Variants in PCDH11X observed in about 807,000 individuals in gnomAD.
PCDH11X encodes the protein protocadherin 11 X-linked, also known as protocadherin-11 X-linked.
In PCDH11X, 18 loss-of-function variants were observed where a neutral mutation model predicts 53.3. The ratio of observed to expected loss-of-function variants is 0.34; its 90% CI spans 0.23 to 0.50. The LOEUF (loss-of-function observed/expected upper bound fraction) is 0.50, where lower values mean the gene tolerates loss of function less well. Ranked by LOEUF, PCDH11X falls within the 20% of genes least tolerant of loss-of-function variation. PCDH11X has a pLI of 0.98. For synonymous variants in PCDH11X, 279 were observed against 393.3 expected (o/e 0.71, Z 3.44); for missense variants, 570 against 1,032.4 (o/e 0.55, Z 6.14).
rs2066411967 is a variant in PCDH11X at position 92,202,748 on chromosome X, G to A, written c.3114+1293G>A. On this transcript the variant is annotated intron_variant, in intron 7 of 10. Coordinates refer to ENST00000682573, the MANE Select transcript of PCDH11X (RefSeq NM_032968.5). ...CTTAAAAAAATGGGGTTGGCTGGGTGCGGTGGCTCACGCCTGTAATCCCAG... is the reference window on the plus strand; with the variant it reads ...CTTAAAAAAATGGGGTTGGCTGGGTACGGTGGCTCACGCCTGTAATCCCAG... Among the ~76,000 whole-genome samples the A allele has an allele frequency of 3.6e-5, 4 of 112,125 alleles. No homozygotes were observed. The South Asian group carries it at 1.5e-3, about 41-fold the overall frequency.
chrX:92,001,274 A>C (rs1373466997), intron 6 of PCDH11X, among the ~76,000 whole-genome samples: 1 of 110,937 alleles, frequency 9.0e-6, no homozygotes, highest in Non-Finnish European at 1.9e-5. Context: ...AGCTATTTTA[A>C]CTGGGGTGAG....
chrX:92,479,576 T>A (rs953883175), intron 10 of PCDH11X, among the ~76,000 whole-genome samples: 5 of 109,171 alleles, frequency 4.6e-5, no homozygotes, highest in African/African-American at 1.7e-4. Flanking sequence ...CCCTCAGCAT[T>A]TGCTTGTTTG....
At chrX:92,255,677 C>G (rs1370365741) in intron 7 of PCDH11X, among the ~76,000 whole-genome samples, 1 of 111,271 alleles carries the variant, frequency 9.0e-6, no homozygotes, top group Non-Finnish European at 1.9e-5. Flanking sequence ...CCCTCAGCTG[C>G]AGGACTGTTG....
At chrX:91,978,556 A>G (rs2062077657) in intron 6 of PCDH11X, among the ~76,000 whole-genome samples, 1 of 110,412 alleles carries the variant, frequency 9.1e-6, no homozygotes, top group African/African-American at 3.3e-5. Context: ...TCGGGCACAT[A>G]ATAGGTGCAC....
intron 6 of PCDH11X, among the ~76,000 whole-genome samples, chrX:92,059,824 CTAGGCAT>C (rs1291736449): frequency 3.6e-5 from 4 of 109,902 alleles, no homozygotes; most frequent in Admixed American, 9.8e-5. Flanking sequence ...CTCTGCAAGC[CTAGGCAT>C]CACTGCTACT....
intron 9 of PCDH11X, among the ~76,000 whole-genome samples, chrX:92,418,207 G>A (rs1194472381): frequency 2.8e-5 from 3 of 106,463 alleles, no homozygotes; most frequent in African/African-American, 1.0e-4. Context: ...TTAGCAATGC[G>A]GAATAATTAC....
At chrX:92,080,213 A>G (rs1302675174) in intron 6 of PCDH11X, among the ~76,000 whole-genome samples, 4 of 111,037 alleles carry the variant, frequency 3.6e-5, no homozygotes, top group Non-Finnish European at 7.5e-5. Flanking sequence ...ATCTCCAGAA[A>G]GGAATGCACC....
At chrX:91,996,020 T>G (rs1349941013) in intron 6 of PCDH11X, among the ~76,000 whole-genome samples, 1 of 108,185 alleles carries the variant, frequency 9.2e-6, no homozygotes, top group African/African-American at 3.4e-5. Context: ...TTTTGTATTT[T>G]TTAGTAGAGA....
Position 91,845,618 on chromosome X carries a change from T to C in PCDH11X, c.540+9574T>C, listed in dbSNP as rs2524468. On this transcript the variant is annotated intron_variant, in intron 5 of 10. Coordinates refer to ENST00000682573, the MANE Select transcript of PCDH11X (RefSeq NM_032968.5). ...TGGGGAATGGATATATGGCCCTAAA[T>C]TGGAAAGTCATTGGCTGGCTTCTGT... Among the ~76,000 whole-genome samples the C allele has an allele frequency of 2.7e-5, 3 of 111,762 alleles. No homozygotes were observed. In the Admixed American group the frequency reaches 2.9e-4, roughly 11 times the overall value.
At chrX:92,446,614 C>T (rs1056896505) in intron 9 of PCDH11X, among the ~76,000 whole-genome samples, 2 of 111,638 alleles carry the variant, frequency 1.8e-5, no homozygotes, top group Non-Finnish European at 3.8e-5. Flanking sequence ...GCCTCCCCAG[C>T]CATGTGGAAC....
At chrX:92,437,808 G>A (rs184179102) in intron 9 of PCDH11X, among the ~76,000 whole-genome samples, 2 of 109,954 alleles carry the variant, frequency 1.8e-5, no homozygotes, top group East Asian at 5.7e-4. Context: ...GAACCCAAGG[G>A]TGGAAAAGGA....
intron 6 of PCDH11X, among the ~76,000 whole-genome samples, chrX:92,108,813 T>C (rs2064440137): frequency 8.9e-6 from 1 of 111,793 alleles, no homozygotes; most frequent in Admixed American, 9.5e-5. Context: ...ATAACTATGG[T>C]CAGGATTACC....
intron 9 of PCDH11X, among the ~76,000 whole-genome samples, chrX:92,417,402 T>C (rs1205406375): frequency 9.0e-6 from 1 of 110,514 alleles, no homozygotes; most frequent in Non-Finnish European, 1.9e-5. Flanking sequence ...GAACAAAAGC[T>C]ACATACTCTG....
At chrX:92,007,284 G>A (rs758508057) in intron 6 of PCDH11X, among the ~76,000 whole-genome samples, 19 of 110,602 alleles carry the variant, frequency 1.7e-4, no homozygotes, top group Non-Finnish European at 3.6e-4. Flanking sequence ...TCTACCTAAT[G>A]TTTTAATGTA....
intron 10 of PCDH11X, among the ~76,000 whole-genome samples, chrX:92,535,285 C>T (rs141936918): frequency 4.5e-5 from 5 of 111,598 alleles, no homozygotes; most frequent in Non-Finnish European, 3.8e-5. Flanking sequence ...TACCCATCAA[C>T]GGTGCACTGG....
At chrX:92,177,069 G>A (rs2065921883) in intron 6 of PCDH11X, among the ~76,000 whole-genome samples, 1 of 105,746 alleles carries the variant, frequency 9.5e-6, no homozygotes, top group Non-Finnish European at 1.9e-5. Context: ...TCTGCCTCCC[G>A]GGTTCAAGCG....
intron 9 of PCDH11X, among the ~76,000 whole-genome samples, chrX:92,467,140 A>C (rs1453459875): frequency 9.0e-6 from 1 of 111,172 alleles, no homozygotes; most frequent in African/African-American, 3.3e-5. Flanking sequence ...CTATTTTAAA[A>C]AAATTTTATA....
intron 6 of PCDH11X, among the ~76,000 whole-genome samples, chrX:92,014,415 G>A (rs1292892965): frequency 9.1e-6 from 1 of 109,397 alleles, no homozygotes; most frequent in East Asian, 2.9e-4. Context: ...GGAGAAATAG[G>A]AACACTTTTA....
intron 6 of PCDH11X, chrX:92,113,692 T>C: frequency 8.3e-7 from 1 of 1,202,064 alleles, no homozygotes; most frequent in Non-Finnish European, 1.1e-6. Flanking sequence ...CAGCTTCCAC[T>C]CCTCTCGTTC....
Sources: allele counts gnomAD v4.1 joint callset (sites outside exome capture counted in the v4.1 genomes callset), GRCh38; gene constraint gnomAD v4.1.1; transcripts MANE v1.5; gene names NCBI Gene and HGNC (gene_info 2026-07-23, HGNC 2026-07-21).